SEM1: variants seen among roughly 807,000 people sequenced by gnomAD.
SEM1 encodes the protein 26S proteasome complex subunit SEM1.
In SEM1, 3 loss-of-function variants were observed where a neutral mutation model predicts 12.7. That is an observed-to-expected ratio of 0.24 (90% CI 0.11 to 0.61). The LOEUF is 0.61. SEM1 is among the 20% of genes least tolerant of loss of function. The pLI is 0.88. For missense variants in SEM1, 59 were observed against 81.3 expected, an observed-to-expected ratio of 0.73 and a Z score of 1.06; for synonymous variants, 30 against 27.8, an observed-to-expected ratio of 1.08 and a Z score of -0.25.
chr7:96,494,348 C>G (rs1000523732), intron 1 of SEM1, among the ~76,000 whole-genome samples: 1 of 152,134 alleles, frequency 6.6e-6, no homozygotes, highest in Non-Finnish European at 1.5e-5. Context: ...ACCCTAGAAA[C>G]ACAGCATTCT....
chr7:96,610,551 T>C (rs915139818), intron 2 of SEM1, among the ~76,000 whole-genome samples: 2 of 152,260 alleles, frequency 1.3e-5, no homozygotes, highest in African/African-American at 4.8e-5. Context: ...TTAATTGTTC[T>C]TCAGATTCAG....
intron 2 of SEM1, among the ~76,000 whole-genome samples, chr7:96,625,459 G>T (rs889796898): frequency 2.0e-5 from 3 of 152,120 alleles, no homozygotes; most frequent in African/African-American, 7.2e-5. Flanking sequence ...GGGACATGTG[G>T]CTTCCTCAAA....
chr7:96,538,362 T>C (rs1804853102), intron 2 of SEM1, among the ~76,000 whole-genome samples: 1 of 151,854 alleles, frequency 6.6e-6, no homozygotes, highest in Admixed American at 6.6e-5. Flanking sequence ...TTATATGCTT[T>C]GTAAATTTTT....
At chr7:96,643,880 T>A (rs1360492898) in intron 2 of SEM1, among the ~76,000 whole-genome samples, 1 of 152,036 alleles carries the variant, frequency 6.6e-6, no homozygotes, top group Middle Eastern at 3.2e-3. Context: ...AAAGAGGTTG[T>A]GTTTGAAAAT....
At chr7:96,580,918 T>C (rs1370602273) in intron 2 of SEM1, among the ~76,000 whole-genome samples, 1 of 152,128 alleles carries the variant, frequency 6.6e-6, no homozygotes, top group Non-Finnish European at 1.5e-5. Context: ...ATTTTGTAGG[T>C]TGCCTGTTCA....
chr7:96,484,602 A>T (rs921688808), intron 3 of SEM1, among the ~76,000 whole-genome samples: 1 of 152,154 alleles, frequency 6.6e-6, no homozygotes, highest in African/African-American at 2.4e-5. Flanking sequence ...TAAACACATC[A>T]GTGCCATAAC....
chr7:96,661,759 G>A (rs964113622), intron 2 of SEM1, among the ~76,000 whole-genome samples: 11 of 152,046 alleles, frequency 7.2e-5, no homozygotes, highest in South Asian at 6.2e-4. Flanking sequence ...AGGCCGAGGC[G>A]GGCAGATCAC....
At chr7:96,577,699 T>G (rs1179692544) in intron 2 of SEM1, among the ~76,000 whole-genome samples, 1 of 152,008 alleles carries the variant, frequency 6.6e-6, no homozygotes, top group Non-Finnish European at 1.5e-5. Context: ...CCTAGGTGAC[T>G]GATAGAAGCA....
intron 1 of SEM1, among the ~76,000 whole-genome samples, chr7:96,700,154 T>A (rs1197918863): frequency 6.6e-6 from 1 of 152,098 alleles, no homozygotes; most frequent in Non-Finnish European, 1.5e-5. Flanking sequence ...AGTACCAGAT[T>A]TATAGGAAAC....
chr7:96,506,966 C>T (rs1050814625), intron 2 of SEM1, among the ~76,000 whole-genome samples: 1 of 151,866 alleles, frequency 6.6e-6, no homozygotes, highest in African/African-American at 2.4e-5. Context: ...TGCTGGTTAC[C>T]TCTTAGGAAA....
downstream of SEM1, among the ~76,000 whole-genome samples, chr7:96,684,480 A>T (rs1789705127): frequency 6.6e-6 from 1 of 151,490 alleles, no homozygotes; most frequent in South Asian, 2.1e-4. Context: ...GGGGCGGGGG[A>T]GGCAGGGGAG....
At chr7:96,688,054 A>AT (rs1305694759), downstream of SEM1, 1 of 152,140 alleles carries the variant, frequency 6.6e-6, no homozygotes, top group Non-Finnish European at 1.5e-5. Flanking sequence ...AACACTACAG[A>AT]TTGATTGTAG....
upstream of SEM1, among the ~76,000 whole-genome samples, chr7:96,496,610 A>G (rs1220926536): frequency 3.3e-5 from 5 of 152,296 alleles, no homozygotes; most frequent in Non-Finnish European, 7.4e-5. Context: ...GAAAAAAAAT[A>G]CTGCTTTCTC....
intron 2 of SEM1, among the ~76,000 whole-genome samples, chr7:96,519,833 T>C (rs1804214632): frequency 6.6e-6 from 1 of 151,990 alleles, no homozygotes; most frequent in African/African-American, 2.4e-5. Flanking sequence ...GAGTTTTAGA[T>C]CACATGCAGA....
intron 2 of SEM1, among the ~76,000 whole-genome samples, chr7:96,545,609 T>C (rs542141559): frequency 3.2e-4 from 48 of 152,230 alleles, no homozygotes; most frequent in African/African-American, 9.9e-4. Context: ...ATACGTTTAT[T>C]CCTTAGTGTT....
At position 96,552,861 on chromosome 7, in the gene SEM1, T is replaced by C. The variant is rs1420976011; in HGVS notation, c.171-46163A>G. Among the ~76,000 whole-genome samples the C allele has an allele frequency of 2.0e-5, 3 of 149,880 alleles. No homozygotes were observed. In the East Asian group the frequency reaches 6.0e-4, roughly 30 times the overall value. ...CCACATCCTCTCCAGCACCTGTTGTTTCCTGACTTTTTAATGATTGCCATT... is the reference window on the plus strand; with the variant it reads ...CCACATCCTCTCCAGCACCTGTTGTCTCCTGACTTTTTAATGATTGCCATT... On this transcript the variant is annotated intron_variant and NMD_transcript_variant, in intron 2 of 3. Transcript: ENST00000466986.
intron 2 of SEM1, among the ~76,000 whole-genome samples, chr7:96,525,460 C>T (rs895803796): frequency 5.9e-5 from 9 of 152,026 alleles, no homozygotes; most frequent in African/African-American, 1.9e-4. Context: ...GGGTACAACT[C>T]GGATAGAGAG....
chr7:96,499,468 G>A (rs1427541182), upstream of SEM1, among the ~76,000 whole-genome samples: 1 of 152,192 alleles, frequency 6.6e-6, no homozygotes, highest in African/African-American at 2.4e-5. Context: ...TTGGCCGAAT[G>A]TGACTCACAG....
intron 2 of SEM1, among the ~76,000 whole-genome samples, chr7:96,587,664 T>TG (rs1246740495): frequency 1.5e-5 from 2 of 136,856 alleles, no homozygotes; most frequent in Non-Finnish European, 3.2e-5. Context: ...TTTTTTTTTT[T>TG]TCCCCAGGAA....
Sources: allele counts gnomAD v4.1 joint callset (sites outside exome capture counted in the v4.1 genomes callset), GRCh38; gene constraint gnomAD v4.1.1; transcripts MANE v1.5; gene names NCBI Gene and HGNC (gene_info 2026-07-23, HGNC 2026-07-21).